BAALC: variants seen among roughly 807,000 people sequenced by gnomAD.
BAALC encodes the protein BAALC binder of MAP3K1 and KLF4, also known as brain and acute leukemia cytoplasmic protein.
Under a neutral mutation model 15.5 loss-of-function variants are expected in BAALC, and 9 were observed. The ratio of observed to expected loss-of-function variants is 0.58; its 90% CI spans 0.35 to 1.02. The LOEUF (loss-of-function observed/expected upper bound fraction) is 1.02, where lower values mean the gene tolerates loss of function less well. Ranked by LOEUF, BAALC falls within the 50% of genes least tolerant of loss-of-function variation. The pLI, the probability that BAALC is intolerant of heterozygous loss-of-function variation, is 0.02. For missense variants in BAALC, 201 were observed against 192.4 expected (o/e 1.04, Z -0.27); for synonymous variants, 80 against 74.6 (o/e 1.07, Z -0.37).
At chr8:103,171,234 AAAGAAAGAAAGGAAGG>A (rs1423101770) in intron 1 of BAALC, among the ~76,000 whole-genome samples, 1 of 45,118 alleles carries the variant, frequency 2.2e-5, no homozygotes, top group African/African-American at 7.9e-5. Context: ...GGAAGGACAG[AAAGAAAGAAAGGAAGG>A]AAGGAAGAAA....
chr8:103,221,877 C>CTCAGGAGA (rs1812684608), intron 2 of BAALC, among the ~76,000 whole-genome samples: 1 of 152,154 alleles, frequency 6.6e-6, no homozygotes, highest in Admixed American at 6.5e-5. Context: ...TGACACAGCC[C>CTCAGGAGA]TCAGGAGATC....
At chr8:103,205,067 T>C (rs1812298283) in intron 1 of BAALC, among the ~76,000 whole-genome samples, 1 of 152,230 alleles carries the variant, frequency 6.6e-6, no homozygotes. Context: ...ACTTTGGTTT[T>C]CTGTCATTGA....
At chr8:103,193,062 G>T (rs891908786) in intron 1 of BAALC, among the ~76,000 whole-genome samples, 1 of 152,128 alleles carries the variant, frequency 6.6e-6, no homozygotes, top group Non-Finnish European at 1.5e-5. Flanking sequence ...GTTTTTCTAG[G>T]GCTCTGTCCA....
chr8:103,195,596 G>A (rs1422633099), intron 1 of BAALC, among the ~76,000 whole-genome samples: 1 of 152,160 alleles, frequency 6.6e-6, no homozygotes, highest in Non-Finnish European at 1.5e-5. Context: ...ACAAGTCTCT[G>A]TCAGGGCTGA....
intron 1 of BAALC, 196 bp downstream of exon 1, chr8:103,141,253 C>T (rs1810769034): frequency 1.7e-6 from 1 of 571,974 alleles, no homozygotes; most frequent in Non-Finnish European, 2.7e-6. Context: ...GAGCCCCTTA[C>T]CGAAGGCTGC....
intron 2 of BAALC, among the ~76,000 whole-genome samples, chr8:103,220,208 T>C (rs577400213): frequency 8.5e-5 from 13 of 152,296 alleles, no homozygotes; most frequent in Non-Finnish European, 1.8e-4. Context: ...GGGGCCACCA[T>C]CTTTAGTTTG....
At chr8:103,147,940 A>G (rs1056372779) in intron 1 of BAALC, among the ~76,000 whole-genome samples, 1 of 152,158 alleles carries the variant, frequency 6.6e-6, no homozygotes, top group African/African-American at 2.4e-5. Context: ...TTGCTTCCTC[A>G]CATGCCTGAC....
At chr8:103,152,426 T>C (rs1162852351) in intron 1 of BAALC, among the ~76,000 whole-genome samples, 1 of 152,174 alleles carries the variant, frequency 6.6e-6, no homozygotes, top group African/African-American at 2.4e-5. Flanking sequence ...TGGCTCTCAG[T>C]TCAGATGTCA....
intron 1 of BAALC, among the ~76,000 whole-genome samples, chr8:103,163,050 G>A (rs1218752804): frequency 6.6e-6 from 1 of 152,074 alleles, no homozygotes; most frequent in Non-Finnish European, 1.5e-5. Flanking sequence ...TAAATGGAGA[G>A]TCAGCGCCCA....
At chr8:103,199,655 C>CTT (rs142481361) in intron 1 of BAALC, among the ~76,000 whole-genome samples, 9 of 146,410 alleles carry the variant, frequency 6.1e-5, no homozygotes, top group Non-Finnish European at 1.1e-4. Context: ...TAATTTCTTT[C>CTT]TTTTTTTTTT....
intron 1 of BAALC, among the ~76,000 whole-genome samples, chr8:103,181,236 G>T (rs1811720690): frequency 6.6e-6 from 1 of 152,074 alleles, no homozygotes; most frequent in Non-Finnish European, 1.5e-5. Context: ...AGCTCCCTAG[G>T]TGAGTCAGGC....
intron 1 of BAALC, among the ~76,000 whole-genome samples, chr8:103,159,836 G>C (rs1811182359): frequency 6.6e-6 from 1 of 152,020 alleles, no homozygotes; most frequent in Admixed American, 6.6e-5. Flanking sequence ...AGGAGCCCTG[G>C]TTCCTCTAAC....
At chr8:103,217,771 G>A (rs369598287) in intron 2 of BAALC, among the ~76,000 whole-genome samples, 2 of 152,130 alleles carry the variant, frequency 1.3e-5, no homozygotes, top group South Asian at 4.1e-4. Context: ...CAATCCTTGC[G>A]AGGCCTGGAA....
chr8:103,172,881 CCTTATAG>C (rs1178495901), intron 1 of BAALC, among the ~76,000 whole-genome samples: 1 of 152,116 alleles, frequency 6.6e-6, no homozygotes, highest in Non-Finnish European at 1.5e-5. Flanking sequence ...TAAAGTTACT[CCTTATAG>C]CTTATAAACA....
chr8:103,175,432 C>T (rs1024979291), intron 1 of BAALC, among the ~76,000 whole-genome samples: 1 of 152,084 alleles, frequency 6.6e-6, no homozygotes, highest in African/African-American at 2.4e-5. Flanking sequence ...GAATGATATC[C>T]TTCTGTGAGG....
chr8:103,201,500 A>G lies in BAALC; in HGVS notation c.161-11419A>G, dbSNP rs181873513. On this transcript the variant is annotated intron_variant, in intron 1 of 2. Coordinates refer to ENST00000309982, the MANE Select transcript of BAALC (RefSeq NM_024812.3). ...GAGGAAGGAGGAGTTAGACATGTGGATGGATAAGACATATTGCCTTCTAAA... is the reference window on the plus strand; with the variant it reads ...GAGGAAGGAGGAGTTAGACATGTGGGTGGATAAGACATATTGCCTTCTAAA... 1.4e-4 allele frequency among the ~76,000 whole-genome samples: 21 copies of G among 152,376 alleles called. 1 individual carries two copies. In the East Asian group the frequency reaches 3.7e-3, roughly 27 times the overall value.
chr8:103,224,943 T>TA (rs966803627), intron 2 of BAALC, among the ~76,000 whole-genome samples: 3 of 152,004 alleles, frequency 2.0e-5, no homozygotes, highest in Non-Finnish European at 2.9e-5. Flanking sequence ...TGGGCAAGAT[T>TA]AAAAAAAATC....
At chr8:103,163,587 A>G (rs923801253) in intron 1 of BAALC, among the ~76,000 whole-genome samples, 2 of 152,144 alleles carry the variant, frequency 1.3e-5, no homozygotes, top group African/African-American at 2.4e-5. Flanking sequence ...ACATCTAATC[A>G]GGCACCAACT....
At chr8:103,197,827 C>T (rs148290542) in intron 1 of BAALC, among the ~76,000 whole-genome samples, 139 of 152,260 alleles carry the variant, frequency 9.1e-4, no homozygotes, top group African/African-American at 3.1e-3. Flanking sequence ...AGGGATGGTG[C>T]TAAGCCATTC....
Sources: gnomAD v4.1 joint callset for allele counts (sites outside exome capture counted in the v4.1 genomes callset) on GRCh38, gnomAD v4.1.1 for gene constraint, MANE v1.5 for transcripts, NCBI Gene and HGNC (gene_info 2026-07-23, HGNC 2026-07-21) for gene names.